The following KRABD3 variants were observed in gnomAD, a reference collection of about 807,000 sequenced individuals.
KRABD3 encodes KRAB domain-containing protein 3.
the KRABD3 span, chr7:149,729,146 C>G: frequency 1.3e-5 from 19 of 1,416,400 alleles, no homozygotes; most frequent in Non-Finnish European, 1.8e-5. Context: ...CAGCACGAGG[C>G]CCCGTGGGGC....
At chr7:149,733,913 A>G in the KRABD3 span, 1 of 1,592,890 alleles carries the variant, frequency 6.3e-7, no homozygotes, top group African/African-American at 1.3e-5. Context: ...AGACGTGCCG[A>G]CCTCAGGAGT....
At chr7:149,731,504 C>T in the KRABD3 span, among the ~76,000 whole-genome samples, 2 of 152,232 alleles carry the variant, frequency 1.3e-5, no homozygotes, top group African/African-American at 4.8e-5. Context: ...CGCACCGCGG[C>T]GGGCCCTGCC....
the KRABD3 span, chr7:149,730,260 C>T: frequency 5.1e-6 from 8 of 1,556,110 alleles, no homozygotes; most frequent in South Asian, 1.2e-5. Flanking sequence ...CAGCCCCAGC[C>T]CCGGCTCCAG....
chr7:149,725,204 A>G, the KRABD3 span: 1 of 1,096,956 alleles, frequency 9.1e-7, no homozygotes, highest in Admixed American at 2.8e-5. Context: ...AGAGCCTGGT[A>G]CAGGACTCGT....
chr7:149,730,594 C>T, the KRABD3 span: 20 of 1,604,038 alleles, frequency 1.2e-5, no homozygotes, highest in Non-Finnish European at 1.1e-5. Context: ...CCTGAGGGGG[C>T]GCCCATGCGT....
chr7:149,725,596 C>T, the KRABD3 span: 1 of 1,183,766 alleles, frequency 8.4e-7, no homozygotes, highest in African/African-American at 1.5e-5. Flanking sequence ...GAGACACAGG[C>T]CCGTTCCCCC....
the KRABD3 span, chr7:149,733,723 T>A: frequency 1.3e-6 from 2 of 1,581,842 alleles, no homozygotes; most frequent in Admixed American, 1.8e-5. Context: ...CGGCAGAACC[T>A]CCTGGGCTCC....
At chr7:149,733,709 C>T in the KRABD3 span, 7 of 1,581,522 alleles carry the variant, frequency 4.4e-6, no homozygotes, top group African/African-American at 9.5e-5. Context: ...TCCAGACGCT[C>T]CCCCGGCAGA....
chr7:149,717,988 G>A, the KRABD3 span, among the ~76,000 whole-genome samples: 1 of 152,130 alleles, frequency 6.6e-6, no homozygotes, highest in Non-Finnish European at 1.5e-5. Context: ...ATTAGAGATG[G>A]GGTTTCACCA....
At chr7:149,720,222 A>T in the KRABD3 span, 1 of 1,374,852 alleles carries the variant, frequency 7.3e-7, no homozygotes, top group African/African-American at 1.5e-5. Context: ...CCAGCCTCTC[A>T]CCTCCCTGCC....
At chr7:149,722,098 TG>T in the KRABD3 span, 1 of 431,072 alleles carries the variant, frequency 2.3e-6, no homozygotes, top group Non-Finnish European at 4.3e-6. Flanking sequence ...ACACTTGCTC[TG>T]GGGTTCTGTG....
At chr7:149,729,436 G>A in the KRABD3 span, 1 of 1,306,172 alleles carries the variant, frequency 7.7e-7, no homozygotes, top group Non-Finnish European at 9.8e-7. Flanking sequence ...CAAGGAAATA[G>A]ACTTCCCTCT....
chr7:149,722,424 A>C, the KRABD3 span: 1 of 1,605,038 alleles, frequency 6.2e-7, no homozygotes, highest in Non-Finnish European at 8.5e-7. Flanking sequence ...TGCAACAGAA[A>C]CTGCCGACAA....
chr7:149,726,178 G>A, the KRABD3 span: 7 of 886,372 alleles, frequency 7.9e-6, no homozygotes, highest in African/African-American at 1.2e-4. Context: ...GCAGAGCCAG[G>A]GATACTGAGG....
At chr7:149,725,777 T>C in the KRABD3 span, 2 of 1,049,102 alleles carry the variant, frequency 1.9e-6, no homozygotes, top group South Asian at 1.7e-5. Context: ...AGGGAAACCC[T>C]AGTGGGAGAT....
At chr7:149,729,984 T>C in the KRABD3 span, 1 of 1,312,278 alleles carries the variant, frequency 7.6e-7, no homozygotes, top group Non-Finnish European at 9.7e-7. Context: ...TTCACTTTTG[T>C]CCTCTTTCTC....
chr7:149,724,766 A>G, the KRABD3 span: 1 of 1,578,038 alleles, frequency 6.3e-7, no homozygotes, highest in Non-Finnish European at 8.6e-7. Context: ...GCATCCTGTC[A>G]GCCTGGCAGG....
the KRABD3 span, chr7:149,723,866 G>C: frequency 6.2e-7 from 1 of 1,613,770 alleles, no homozygotes; most frequent in Non-Finnish European, 8.5e-7. Context: ...GAGAATCCAG[G>C]AGCCTGGAAA....
chr7:149,724,987 C>T, the KRABD3 span: 1 of 741,704 alleles, frequency 1.3e-6, no homozygotes, highest in South Asian at 2.2e-5. Flanking sequence ...TGAATCCCTT[C>T]ATCCACAGCC....
Sources: gnomAD v4.1 joint callset for allele counts (sites outside exome capture counted in the v4.1 genomes callset) on GRCh38, gnomAD v4.1.1 for gene constraint, MANE v1.5 for transcripts, NCBI Gene and HGNC (gene_info 2026-07-23, HGNC 2026-07-21) for gene names.